LUZP2: variants seen among roughly 807,000 people sequenced by gnomAD.
LUZP2 encodes leucine zipper protein 2.
A neutral mutation model predicts 51.6 loss-of-function variants in LUZP2; 52 were observed. The observed-to-expected ratio is 1.01, with a 90% CI of 0.81 to 1.27. The LOEUF is 1.27. Ranked by LOEUF, LUZP2 falls within the 50% of genes most tolerant of loss-of-function variation. The pLI is 0.00. For missense variants in LUZP2, 436 were observed against 395.4 expected, an observed-to-expected ratio of 1.10 and a Z score of -0.87; for synonymous variants, 154 against 137.3, an observed-to-expected ratio of 1.12 and a Z score of -0.85.
At chr11:24,616,673 T>A (rs780424341) in intron 1 of LUZP2, among the ~76,000 whole-genome samples, 8 of 152,296 alleles carry the variant, frequency 5.3e-5, no homozygotes, top group Non-Finnish European at 1.0e-4. Context: ...GTGTCTGTAC[T>A]TCCACTAATA....
chr11:24,940,859 G>C (rs939763656), intron 7 of LUZP2, among the ~76,000 whole-genome samples: 1 of 152,096 alleles, frequency 6.6e-6, no homozygotes, highest in Non-Finnish European at 1.5e-5. Flanking sequence ...CTACAGAAGT[G>C]GTATGTGTAG....
chr11:24,546,088 G>A (rs1019995289), intron 1 of LUZP2, among the ~76,000 whole-genome samples: 3 of 151,968 alleles, frequency 2.0e-5, no homozygotes, highest in African/African-American at 7.2e-5. Flanking sequence ...TGGCTTGCCT[G>A]TTGTTGGTGT....
intron 1 of LUZP2, among the ~76,000 whole-genome samples, chr11:24,726,520 C>G (rs193262893): frequency 2.0e-5 from 3 of 151,788 alleles, no homozygotes; most frequent in African/African-American, 7.2e-5. Context: ...GACCTCCCAC[C>G]CTACTCCCCC....
intron 5 of LUZP2, among the ~76,000 whole-genome samples, chr11:24,813,401 A>G (rs1466328403): frequency 6.6e-6 from 1 of 152,214 alleles, no homozygotes; most frequent in Non-Finnish European, 1.5e-5. Flanking sequence ...GCATAATGAC[A>G]TCTACTTCTG....
intron 1 of LUZP2, among the ~76,000 whole-genome samples, chr11:24,667,353 T>G (rs978466712): frequency 6.6e-6 from 1 of 151,914 alleles, no homozygotes; most frequent in African/African-American, 2.4e-5. Context: ...TTGGCTAATT[T>G]TTTTTGTATT....
intron 3 of LUZP2, among the ~76,000 whole-genome samples, chr11:24,734,316 T>G (rs1858844618): frequency 6.6e-6 from 1 of 151,664 alleles, no homozygotes; most frequent in African/African-American, 2.4e-5. Flanking sequence ...TGTTGATATT[T>G]TTTTAAAATA....
At chr11:24,952,677 A>G (rs983422564) in intron 7 of LUZP2, among the ~76,000 whole-genome samples, 2 of 151,998 alleles carry the variant, frequency 1.3e-5, no homozygotes, top group South Asian at 2.1e-4. Flanking sequence ...TTACCTTTAT[A>G]TATGTTTCTT....
intron 5 of LUZP2, among the ~76,000 whole-genome samples, chr11:24,882,470 T>A (rs1852503362): frequency 6.6e-6 from 1 of 152,030 alleles, no homozygotes; most frequent in Non-Finnish European, 1.5e-5. Context: ...AACCATAGTT[T>A]ACATTAGGAT....
At chr11:25,042,195 G>T (rs1048756065) in intron 9 of LUZP2, among the ~76,000 whole-genome samples, 2 of 151,770 alleles carry the variant, frequency 1.3e-5, no homozygotes, top group Non-Finnish European at 2.9e-5. Flanking sequence ...TTAGAAAAAA[G>T]ACCACTTATG....
At chr11:24,597,268 A>T (rs1853473865) in intron 1 of LUZP2, among the ~76,000 whole-genome samples, 1 of 152,190 alleles carries the variant, frequency 6.6e-6, no homozygotes, top group African/African-American at 2.4e-5. Flanking sequence ...TATCCAGTAA[A>T]CTGTTCATAT....
intron 10 of LUZP2, among the ~76,000 whole-genome samples, chr11:25,071,782 A>G (rs951707852): frequency 6.6e-6 from 1 of 151,950 alleles, no homozygotes; most frequent in African/African-American, 2.4e-5. Context: ...ACAAACCTGC[A>G]TGTTGTGCAC....
intron 7 of LUZP2, among the ~76,000 whole-genome samples, chr11:24,917,094 G>A (rs1565102558): frequency 6.6e-6 from 1 of 152,156 alleles, no homozygotes; most frequent in South Asian, 2.1e-4. Context: ...GTGATGATGA[G>A]CATTTTTTCA....
chr11:25,006,837 G>A (rs1856846877), intron 9 of LUZP2, among the ~76,000 whole-genome samples: 1 of 152,130 alleles, frequency 6.6e-6, no homozygotes, highest in South Asian at 2.1e-4. Context: ...CAAAGAGTGA[G>A]CAGCAGCAAG....
intron 1 of LUZP2, among the ~76,000 whole-genome samples, chr11:24,642,304 T>A (rs1200269400): frequency 6.6e-6 from 1 of 151,048 alleles, no homozygotes; most frequent in South Asian, 2.1e-4. Flanking sequence ...GATCTCCTGA[T>A]TTTTTTTTCA....
At chr11:24,980,277 C>A (rs1855989708) in intron 8 of LUZP2, among the ~76,000 whole-genome samples, 2 of 110,480 alleles carry the variant, frequency 1.8e-5, no homozygotes, top group African/African-American at 6.6e-5. Flanking sequence ...TGTCCCCAGA[C>A]AAAATGCATT....
intron 1 of LUZP2, among the ~76,000 whole-genome samples, chr11:24,656,724 G>T (rs189016344): frequency 1.3e-5 from 2 of 152,254 alleles, no homozygotes; most frequent in Admixed American, 6.5e-5. Flanking sequence ...TCAGCTTAAG[G>T]CTCCTTTTCT....
At chr11:24,542,494 G>T (rs1359068256) in intron 1 of LUZP2, among the ~76,000 whole-genome samples, 1 of 151,570 alleles carries the variant, frequency 6.6e-6, no homozygotes, top group South Asian at 2.1e-4. Flanking sequence ...ATTACTGAAT[G>T]TTAAATCAAT....
chr11:25,025,843 C>T (rs1470461816), intron 9 of LUZP2, among the ~76,000 whole-genome samples: 4 of 152,186 alleles, frequency 2.6e-5, no homozygotes, highest in Admixed American at 6.5e-5. Flanking sequence ...CACATGCACA[C>T]GTATGTTTAT....
chr11:25,012,742 G>T (rs1224495058), intron 9 of LUZP2, among the ~76,000 whole-genome samples: 1 of 152,318 alleles, frequency 6.6e-6, no homozygotes, highest in East Asian at 1.9e-4. Flanking sequence ...TGGTGAGGAT[G>T]CAGAGAAAAG....
Sources: allele counts gnomAD v4.1 joint callset (sites outside exome capture counted in the v4.1 genomes callset), GRCh38; gene constraint gnomAD v4.1.1; transcripts MANE v1.5; gene names NCBI Gene and HGNC (gene_info 2026-07-23, HGNC 2026-07-21).